Variants in NALF1 observed in about 807,000 individuals in gnomAD.
The protein encoded by NALF1 is family with sequence similarity 155 member A.
NALF1 carries 3 observed loss-of-function variants against 48.4 expected under a neutral mutation model. The observed-to-expected ratio is 0.06, with a 90% CI of 0.03 to 0.16. The LOEUF (loss-of-function observed/expected upper bound fraction) is 0.16, where lower values mean the gene tolerates loss of function less well. Among genes scored for constraint, NALF1 ranks in the 10% least tolerant of loss-of-function variants. The pLI, the probability that NALF1 is intolerant of heterozygous loss-of-function variation, is 1.00. For missense variants in NALF1, 526 were observed against 571.5 expected (o/e 0.92, Z 0.81); for synonymous variants, 262 against 245.7 (o/e 1.07, Z -0.62).
chr13:107,434,875 CAT>C (rs1313650933), intron 1 of NALF1, among the ~76,000 whole-genome samples: 3 of 152,208 alleles, frequency 2.0e-5, no homozygotes, highest in African/African-American at 7.2e-5. Context: ...TGAATCTTCA[CAT>C]GAGAGTGGGA....
At chr13:107,633,052 A>G (rs182511120) in intron 1 of NALF1, among the ~76,000 whole-genome samples, 1 of 152,244 alleles carries the variant, frequency 6.6e-6, no homozygotes, top group African/African-American at 2.4e-5. Flanking sequence ...TGGTCTGGTG[A>G]TCTTAAATTC....
intron 1 of NALF1, among the ~76,000 whole-genome samples, chr13:107,613,398 A>C (rs2038730): frequency 0.5 from 76,499 of 152,044 alleles, 20,310 homozygotes; most frequent in East Asian, 0.67. Context: ...CCAACTGGGG[A>C]ATGCCTTTCT....
At chr13:107,505,655 G>A (rs1749112389) in intron 1 of NALF1, among the ~76,000 whole-genome samples, 1 of 152,152 alleles carries the variant, frequency 6.6e-6, no homozygotes, top group Non-Finnish European at 1.5e-5. Context: ...GGTGGGCAAT[G>A]GAGATTAGGA....
intron 1 of NALF1, among the ~76,000 whole-genome samples, chr13:107,283,022 T>C (rs907438341): frequency 2.6e-5 from 4 of 152,212 alleles, no homozygotes; most frequent in African/African-American, 9.6e-5. Flanking sequence ...GGAAACATAC[T>C]TCCAATTTTA....
At chr13:107,766,706 G>T (rs895903287) in intron 1 of NALF1, among the ~76,000 whole-genome samples, 37 of 152,216 alleles carry the variant, frequency 2.4e-4, no homozygotes, top group South Asian at 8.3e-4. Context: ...AAATTCAATT[G>T]AAAATAGAAG....
At chr13:107,485,310 C>T (rs1332240226) in intron 1 of NALF1, among the ~76,000 whole-genome samples, 1 of 152,146 alleles carries the variant, frequency 6.6e-6, no homozygotes, top group Non-Finnish European at 1.5e-5. Flanking sequence ...TTTACTGGCA[C>T]TTCTGCTAGA....
At chr13:107,481,221 T>G (rs147189497) in intron 1 of NALF1, among the ~76,000 whole-genome samples, 2 of 152,184 alleles carry the variant, frequency 1.3e-5, no homozygotes, top group South Asian at 2.1e-4. Flanking sequence ...TCTATCATAA[T>G]GTCATTGAGA....
chr13:107,490,523 G>T (rs1327745030), intron 1 of NALF1, among the ~76,000 whole-genome samples: 1 of 152,120 alleles, frequency 6.6e-6, no homozygotes, highest in East Asian at 1.9e-4. Flanking sequence ...AGACTAGATG[G>T]ACACACAGAG....
chr13:107,599,022 G>A (rs1401958187), intron 1 of NALF1, among the ~76,000 whole-genome samples: 1 of 152,110 alleles, frequency 6.6e-6, no homozygotes, highest in Admixed American at 6.5e-5. Flanking sequence ...TTTGTCTTAT[G>A]TCCCATAGTA....
At chr13:107,722,299 A>T (rs1316330350) in intron 1 of NALF1, among the ~76,000 whole-genome samples, 1 of 152,130 alleles carries the variant, frequency 6.6e-6, no homozygotes, top group Non-Finnish European at 1.5e-5. Context: ...GATCCTTTTC[A>T]CATGTGTTAA....
chr13:107,589,555 AT>A (rs1403426733), intron 1 of NALF1, among the ~76,000 whole-genome samples: 1 of 151,882 alleles, frequency 6.6e-6, no homozygotes, highest in Non-Finnish European at 1.5e-5. Flanking sequence ...TATCCAGGGT[AT>A]TTTTTTCCCT....
At position 107,747,709 on chromosome 13, in the gene NALF1, G is replaced by A. The variant is rs549865304; in HGVS notation, c.915+117973C>T. On this transcript the variant is annotated intron_variant, in intron 1 of 2. Coordinates refer to ENST00000375915, the MANE Select transcript of NALF1 (RefSeq NM_001080396.3). ...AATAGTCCTCTTTTATAGAAAATAA[G>A]GCTTCGATAAAGAATTGTATTTACT... Among the ~76,000 whole-genome samples the A allele has an allele frequency of 4.6e-5, 7 of 152,176 alleles. No homozygotes were observed. In the East Asian group the frequency reaches 1.4e-3, roughly 29 times the overall value.
At chr13:107,829,534 G>A (rs16971239) in intron 1 of NALF1, among the ~76,000 whole-genome samples, 17,423 of 151,822 alleles carry the variant, frequency 0.11, 1,302 homozygotes, top group East Asian at 0.2. Flanking sequence ...TTCAGACAAA[G>A]GCACTGATAT....
At chr13:107,385,008 T>C (rs1883503860) in intron 1 of NALF1, among the ~76,000 whole-genome samples, 1 of 152,160 alleles carries the variant, frequency 6.6e-6, no homozygotes, top group African/African-American at 2.4e-5. Flanking sequence ...TGGGTGGCAA[T>C]ATCCATACCC....
intron 1 of NALF1, among the ~76,000 whole-genome samples, chr13:107,787,806 A>G (rs1878119495): frequency 6.6e-6 from 1 of 152,258 alleles, no homozygotes; most frequent in East Asian, 1.9e-4. Context: ...TGCTTGAATA[A>G]TAAGTGCATC....
chr13:107,726,602 G>A (rs1360714417), intron 1 of NALF1, among the ~76,000 whole-genome samples: 2 of 136,582 alleles, frequency 1.5e-5, no homozygotes, highest in Non-Finnish European at 3.0e-5. Context: ...CTATGTAAAG[G>A]CAAATTCTTT....
At chr13:107,183,541 C>T (rs1382775024) in intron 2 of NALF1, among the ~76,000 whole-genome samples, 1 of 152,146 alleles carries the variant, frequency 6.6e-6, no homozygotes, top group East Asian at 1.9e-4. Context: ...GACACATGCA[C>T]ATGTATGTTT....
rs1425968986 is a variant in NALF1, at chr13:107,857,587, A to G, written c.915+8095T>C. Among the ~76,000 whole-genome samples, 5 of 152,232 alleles carry G rather than the reference A, an allele frequency of 3.3e-5. No individual in the cohort carries two copies. The East Asian group carries it at 9.6e-4, about 29-fold the overall frequency. On this transcript the variant is annotated intron_variant, in intron 1 of 2. Transcript: ENST00000375915. ...ATCCAGTCAATCTAAAATGTAGCAC[A>G]TGTTAATCTCTAAATTAAAATAGAG...
At chr13:107,365,619 G>T (rs1883139493) in intron 1 of NALF1, among the ~76,000 whole-genome samples, 2 of 152,184 alleles carry the variant, frequency 1.3e-5, no homozygotes, top group African/African-American at 2.4e-5. Context: ...CCAGGGAATG[G>T]TTACTGGGGA....
Sources: allele counts gnomAD v4.1 joint callset (sites outside exome capture counted in the v4.1 genomes callset), GRCh38; gene constraint gnomAD v4.1.1; transcripts MANE v1.5; gene names NCBI Gene and HGNC (gene_info 2026-07-23, HGNC 2026-07-21).